The following NRK variants were observed in gnomAD, a reference collection of about 807,000 sequenced individuals.
NRK encodes the protein Nik related kinase.
A neutral mutation model predicts 125.2 loss-of-function variants in NRK; 67 were observed. The ratio of observed to expected loss-of-function variants is 0.54; its 90% CI spans 0.44 to 0.66. NRK has a LOEUF of 0.66. NRK is among the 30% of genes least tolerant of loss of function. The probability of loss-of-function intolerance (pLI) is 0.00; values close to 1 mark genes in which losing one functional copy is unlikely to be tolerated. For missense variants in NRK, 1,224 were observed against 1,192.9 expected (o/e 1.03, Z -0.38); for synonymous variants, 458 against 429.0 (o/e 1.07, Z -0.84).
At chrX:105,922,611 T>G (rs2040467163) in intron 17 of NRK, among the ~76,000 whole-genome samples, 1 of 111,722 alleles carries the variant, frequency 9.0e-6, no homozygotes. Context: ...CCTTCCAGAT[T>G]GCCCAAAAGT....
intron 21 of NRK, among the ~76,000 whole-genome samples, chrX:105,937,087 C>T (rs183253169): frequency 9.2e-5 from 10 of 108,410 alleles, no homozygotes; most frequent in African/African-American, 3.0e-4. Flanking sequence ...CATAAATTTC[C>T]ATTTGTGAGA....
chrX:105,958,108 G>C lies in NRK; in HGVS notation c.*2508G>C, dbSNP rs1238881437. The C allele has an allele frequency of 1.8e-5, 2 of 111,739 alleles. No homozygotes were observed. The highest frequency in any genetic ancestry group is 6.5e-5 in the African/African-American group (2 of 30,688). The allele number at this position is 111,739 out of a possible 1,213,427, so 9.2% of individuals were successfully genotyped here. A position where few individuals can be genotyped will look rare whatever the true frequency, so the allele number is the denominator to read the frequency against. On this transcript the variant is annotated 3_prime_UTR_variant, in exon 29 of 29. Coordinates refer to ENST00000243300, the MANE Select transcript of NRK (RefSeq NM_198465.4). ...TATGGTTTTATTTTGGTGTAATTTA[G>C]GTTTTTCAACAAAGCCCTTGTCTAA... is the stretch of plus-strand genomic sequence containing the variant.
chrX:105,950,267 C>G (rs1367186802), intron 27 of NRK, among the ~76,000 whole-genome samples: 1 of 110,834 alleles, frequency 9.0e-6, no homozygotes, highest in East Asian at 2.8e-4. Flanking sequence ...CACGTGGCAA[C>G]AAAGAAAAAT....
chrX:105,956,674 C>T lies in NRK; in HGVS notation c.*1074C>T, dbSNP rs1440180260. On this transcript the variant is annotated 3_prime_UTR_variant, in exon 29 of 29. Coordinates refer to ENST00000243300, the MANE Select transcript of NRK (RefSeq NM_198465.4). ...TCAGTGATAAGTTCATGTGTAACGA[C>T]TTAATGTTAAAGGTTAAAAAAAAGA... The T allele has an allele frequency of 9.0e-6, 1 of 111,707 alleles. No homozygotes were observed. The highest frequency in any genetic ancestry group is 3.2e-5 in the African/African-American group (1 of 30,778). 9.2% of individuals were successfully genotyped at this position (111,707 alleles called of 1,213,427 possible).
intron 2 of NRK, among the ~76,000 whole-genome samples, chrX:105,840,191 A>G (rs890169372): frequency 2.7e-5 from 3 of 111,673 alleles, no homozygotes; most frequent in African/African-American, 9.7e-5. Context: ...TTGCTTCCCA[A>G]TAAATCTTGA....
At chrX:105,880,002 A>C (rs1181900516) in intron 2 of NRK, among the ~76,000 whole-genome samples, 197 bp from the exon 3 acceptor site, 1 of 110,800 alleles carries the variant, frequency 9.0e-6, no homozygotes, top group Non-Finnish European at 1.9e-5. Context: ...TTTGAGTGGG[A>C]TGGTGATTTC....
At chrX:105,926,630 TAC>T (rs1019096264) in intron 19 of NRK, among the ~76,000 whole-genome samples, 7 of 111,643 alleles carry the variant, frequency 6.3e-5, no homozygotes, top group African/African-American at 2.3e-4. Flanking sequence ...TTTCAGATCT[TAC>T]ATTTAAGTCT....
intron 24 of NRK, 149 bp downstream of exon 24, chrX:105,944,190 G>T: frequency 2.5e-6 from 1 of 399,332 alleles, no homozygotes; most frequent in Non-Finnish European, 4.3e-6. Flanking sequence ...TTGCTTGTTT[G>T]TTTGTTTATT....
chrX:105,946,264 G>T, intron 25 of NRK, 51 bp from the exon 26 acceptor site: 1 of 1,085,300 alleles, frequency 9.2e-7, no homozygotes, highest in Non-Finnish European at 1.2e-6. Flanking sequence ...TTTTGCCTTA[G>T]TTAGAATGTC....
chrX:105,937,261 C>T (rs1227666348), intron 21 of NRK, among the ~76,000 whole-genome samples, 178 bp from the exon 22 acceptor site: 1 of 109,479 alleles, frequency 9.1e-6, no homozygotes, highest in African/African-American at 3.3e-5. Flanking sequence ...GATCAGCATA[C>T]TGGAATAGCA....
At chrX:105,851,743 G>A (rs1019781006) in intron 2 of NRK, among the ~76,000 whole-genome samples, 2 of 110,749 alleles carry the variant, frequency 1.8e-5, no homozygotes, top group African/African-American at 6.6e-5. Flanking sequence ...AGAACCCTAA[G>A]GGCACCATGG....
intron 2 of NRK, among the ~76,000 whole-genome samples, chrX:105,875,869 G>A (rs1357961888): frequency 9.0e-6 from 1 of 110,928 alleles, no homozygotes; most frequent in Non-Finnish European, 1.9e-5. Context: ...TTAAGCAGCA[G>A]TTGCTTTTAC....
intron 9 of NRK, among the ~76,000 whole-genome samples, chrX:105,904,124 A>T (rs138369656): frequency 0.012 from 1,342 of 111,447 alleles, 8 homozygotes; most frequent in Non-Finnish European, 0.018. Flanking sequence ...ATTTTGGGAG[A>T]GAAAGGATGG....
chrX:105,917,302 TTA>T (rs1179992988), intron 15 of NRK, among the ~76,000 whole-genome samples: 4 of 111,050 alleles, frequency 3.6e-5, no homozygotes, highest in Non-Finnish European at 5.7e-5. Context: ...CTTTAAAAGC[TTA>T]TAGAAATTTT....
At chrX:105,880,173 ATATT>A in intron 2 of NRK, 22 bp from the exon 3 acceptor site, 1 of 901,290 alleles carries the variant, frequency 1.1e-6, no homozygotes, top group Non-Finnish European at 1.5e-6. Context: ...CCAGCATTTG[ATATT>A]TATCACTATC....
chrX:105,855,727 A>G (rs1414076832), intron 2 of NRK, among the ~76,000 whole-genome samples: 3 of 112,140 alleles, frequency 2.7e-5, no homozygotes. Flanking sequence ...ACCACTGTAG[A>G]TGCCATATAT....
chrX:105,870,381 A>G (rs1323175002), intron 2 of NRK, among the ~76,000 whole-genome samples: 1 of 111,562 alleles, frequency 9.0e-6, no homozygotes, highest in Non-Finnish European at 1.9e-5. Flanking sequence ...TTTAAATTTG[A>G]ATTAGTGACC....
Position 105,908,954 on chromosome X carries a change from G to A in NRK, c.1313G>A (p.Arg438Gln), listed in dbSNP as rs144119374. The A allele has an allele frequency of 5.6e-4, 682 of 1,207,590 alleles. 1 individual carries two copies. The African/African-American group carries it at 0.011, about 19-fold the overall frequency. ...AAGGGGCAGGCTCAGGCACCTCAAC[G>A]ACTACAAGGGGCAGCTCGGGTGTTC... is the stretch of plus-strand genomic sequence containing the variant. ...PLKGQAQAPQ[R>Q]LQGAARVFMP... Residue 438 changes from arginine to glutamine, a missense_variant, in exon 13 of 29, where the codon CGA becomes CAA. By Grantham distance (43) the Arg-to-Gln change is conservative. Coordinates refer to ENST00000243300, the MANE Select transcript of NRK (RefSeq NM_198465.4).
At chrX:105,843,903 C>CA (rs985004159) in intron 2 of NRK, among the ~76,000 whole-genome samples, 37 of 103,127 alleles carry the variant, frequency 3.6e-4, no homozygotes, top group South Asian at 3.0e-3. Context: ...TAGTAGATTT[C>CA]AAAAAAAAAA....
Sources: gnomAD v4.1 joint callset for allele counts (sites outside exome capture counted in the v4.1 genomes callset) on GRCh38, gnomAD v4.1.1 for gene constraint, MANE v1.5 for transcripts, NCBI Gene and HGNC (gene_info 2026-07-23, HGNC 2026-07-21) for gene names.